The following DOT1L variants were observed in gnomAD, a reference collection of about 807,000 sequenced individuals.
The protein encoded by DOT1L is DOT1 like histone lysine methyltransferase.
DOT1L carries 33 observed loss-of-function variants against 153.3 expected under a neutral mutation model. The observed-to-expected ratio is 0.22, with a 90% confidence interval of 0.16 to 0.29. DOT1L has a LOEUF of 0.29. Ranked by LOEUF, DOT1L falls within the 10% of genes least tolerant of loss-of-function variation. DOT1L has a pLI of 1.00. For missense variants in DOT1L, 1,847 were observed against 2,119.9 expected, an observed-to-expected ratio of 0.87 and a Z score of 2.53; for synonymous variants, 1,135 against 965.1, an observed-to-expected ratio of 1.18 and a Z score of -3.26.
Position 2,222,809 on chromosome 19 carries a change from G to A in DOT1L, c.3390+250G>A. Reference sequence around the variant, plus strand: ...TGAGGCAGGAGAATGATGTGAACCCGGGAGGCGGGGCTTGCAGTGAACTGA... The same window carrying A: ...TGAGGCAGGAGAATGATGTGAACCCAGGAGGCGGGGCTTGCAGTGAACTGA... On this transcript the variant is annotated intron_variant, in intron 24 of 27. Transcript: ENST00000398665. The surrounding 1 kb of genome is among the most constrained non-coding windows in gnomAD (Gnocchi z 6.5). 6.0e-6 allele frequency: 3 copies of A among 497,060 alleles called. No individual in the cohort carries two copies. The highest frequency in any genetic ancestry group is 1.1e-5 in the Non-Finnish European group (3 of 283,096). 30.8% of individuals were successfully genotyped at this position (497,060 alleles called of 1,614,324 possible). A position where few individuals can be genotyped will look rare whatever the true frequency, so the allele number is the denominator to read the frequency against.
At position 2,223,278 on chromosome 19, in the gene DOT1L, C is replaced by A; in HGVS notation, c.3391-3C>A. 6.2e-7 allele frequency: 1 copy of A among 1,613,332 alleles called. No individual in the cohort carries two copies. The highest frequency in any genetic ancestry group is 8.5e-7 in the Non-Finnish European group (1 of 1,179,884). On this transcript the variant is annotated splice_polypyrimidine_tract_variant and splice_region_variant and intron_variant, in intron 24 of 27. Transcript: ENST00000398665. The stretch of plus-strand genomic sequence containing the variant: ...TGCATCCATTGTGTCTGTCTGCCCT[C>A]AGGTCAGTAACATCAACCAGCCCCT...
Position 2,226,342 on chromosome 19 carries a change from C to T in DOT1L, c.3821C>T (p.Thr1274Met), listed in dbSNP as rs549010160. Residue 1274 changes from threonine (T) to methionine (M), a missense_variant, in exon 27 of 28, where the codon ACG (threonine) becomes ATG (methionine). Thr to Met is a moderately conservative substitution (Grantham distance 81). This residue lies in a region of DOT1L where 934 missense variants were observed against 825.3 expected (regional missense o/e 1.13). Coordinates refer to ENST00000398665, the MANE Select transcript of DOT1L (RefSeq NM_032482.3). ...GCCCTCAGCCAGAACTCCCTGTTCACGTTCCGGCCCGCCCTGGAGGAGCCC... is the reference window on the plus strand; with the variant it reads ...GCCCTCAGCCAGAACTCCCTGTTCATGTTCCGGCCCGCCCTGGAGGAGCCC... ...SSALSQNSLF[T>M]FRPALEEPSA... is the part of the protein sequence containing the mutation. The T allele has an allele frequency of 8.8e-6, 14 of 1,592,572 alleles. No individual in the cohort carries two copies. The South Asian group carries it at 9.0e-5, about 10-fold the overall frequency.
rs1030738892 is a variant in DOT1L, at chr19:2,226,322, C to G, written c.3801C>G (p.Leu1267=). The part of the protein sequence containing the change: ...ADSPLQASSA[L]SQNSLFTFRP... ...GCCCGCTGCAGGCCAGCTCCGCCCTCAGCCAGAACTCCCTGTTCACGTTCC... is the reference window on the plus strand; with the variant it reads ...GCCCGCTGCAGGCCAGCTCCGCCCTGAGCCAGAACTCCCTGTTCACGTTCC... Residue 1267 remains leucine (L), a synonymous_variant, in exon 27 of 28, where the codon CTC becomes CTG. Coordinates refer to ENST00000398665, the MANE Select transcript of DOT1L (RefSeq NM_032482.3). 1 of 1,598,266 alleles carries G rather than the reference C, an allele frequency of 6.3e-7. No homozygotes were observed. The highest frequency in any genetic ancestry group is 1.7e-5 in the Admixed American group (1 of 58,606).
intron 3 of DOT1L, among the ~76,000 whole-genome samples, chr19:2,188,480 GCCC>G (rs375314788): frequency 1.3e-4 from 9 of 66,986 alleles, no homozygotes; most frequent in African/African-American, 4.3e-4. Context: ...CCCAGCCGCC[GCCC>G]CCCCCCCCCC....
intron 1 of DOT1L, among the ~76,000 whole-genome samples, chr19:2,175,496 C>G (rs1038986406): frequency 2.0e-4 from 30 of 152,050 alleles, no homozygotes; most frequent in Non-Finnish European, 5.9e-5. Context: ...CTTATTTAAC[C>G]AAGTATAACT....
rs1294021782 is a variant in DOT1L at position 2,217,766 on chromosome 19, C to T, written c.2545-6C>T. On this transcript the variant is annotated splice_polypyrimidine_tract_variant and splice_region_variant and intron_variant, in intron 21 of 27. Transcript: ENST00000398665. The surrounding 1 kb of genome is among the most constrained non-coding windows in gnomAD (Gnocchi z 7.3). Reference sequence around the variant, plus strand: ...CCACGACTGGGGGTCGGGCCTTCGTCTGCAGGGCCTGAGAGAGCGCGCCTA... The same window carrying T: ...CCACGACTGGGGGTCGGGCCTTCGTTTGCAGGGCCTGAGAGAGCGCGCCTA... 13 of 1,598,934 alleles carry T rather than the reference C, an allele frequency of 8.1e-6. No homozygotes were observed. The highest frequency in any genetic ancestry group is 1.0e-5 in the Non-Finnish European group (12 of 1,173,754).
chr19:2,227,318 G>A (rs761461270), intron 27 of DOT1L, 191 bp downstream of exon 27: 8 of 790,374 alleles, frequency 1.0e-5, no homozygotes, highest in South Asian at 5.8e-5. Context: ...CTGAGTCCGT[G>A]TGTCTTGGGT....
At chr19:2,202,883 G>GA in intron 9 of DOT1L, 104 bp downstream of exon 9, 1 of 1,129,376 alleles carries the variant, frequency 8.9e-7, no homozygotes, top group Non-Finnish European at 1.3e-6. Context: ...CAGACTTGGG[G>GA]TCTTCAGTCC....
In DOT1L at chr19:2,168,024, C is replaced by T. The variant is rs146343891; in HGVS notation, c.81+3759C>T. On this transcript the variant is annotated intron_variant, in intron 1 of 27. Transcript: ENST00000398665. Reference sequence around the variant, plus strand: ...TGCTGGGATGACAGGCGTGAACCACCGTGCCCAGACGCAGCTGCAGCAGCA... The same window carrying T: ...TGCTGGGATGACAGGCGTGAACCACTGTGCCCAGACGCAGCTGCAGCAGCA... 1.6e-3 allele frequency among the ~76,000 whole-genome samples: 240 copies of T among 152,310 alleles called. 1 individual carries two copies. Among genetic ancestry groups the T allele is most frequent in the African/African-American group, 5.2e-3 (217 of 41,566 alleles).
At chr19:2,194,415 C>G in intron 6 of DOT1L, 100 bp from the exon 7 acceptor site, 1 of 1,322,964 alleles carries the variant, frequency 7.6e-7, no homozygotes, top group South Asian at 1.2e-5. Context: ...TCATGATCCG[C>G]CCTCCTCAGC....
At chr19:2,176,241 C>T (rs767755189) in intron 1 of DOT1L, among the ~76,000 whole-genome samples, 22 of 152,082 alleles carry the variant, frequency 1.4e-4, no homozygotes, top group Non-Finnish European at 2.9e-4. Context: ...ACACAGCATC[C>T]CACACCACAA....
chr19:2,206,806 C>G lies in DOT1L; in HGVS notation c.856+9C>G, dbSNP rs764682973. 6.2e-7 allele frequency: 1 copy of G among 1,612,596 alleles called. No individual in the cohort carries two copies. Among genetic ancestry groups the G allele is most frequent in the Non-Finnish European group, 8.5e-7 (1 of 1,178,854 alleles). Reference sequence around the variant, plus strand: ...CAGTAGAAACTTGAGTGGTAAGAAACTCTCATGTTGTTAATGATGAACACG... The same window carrying G: ...CAGTAGAAACTTGAGTGGTAAGAAAGTCTCATGTTGTTAATGATGAACACG... On this transcript the variant is annotated intron_variant, in intron 10 of 27. Transcript: ENST00000398665.
At position 2,206,759 on chromosome 19, in the gene DOT1L, C is replaced by T; in HGVS notation, c.818C>T (p.Ala273Val). 6.2e-7 allele frequency: 1 copy of T among 1,613,992 alleles called. No homozygotes were observed. Among genetic ancestry groups the T allele is most frequent in the Non-Finnish European group, 8.5e-7 (1 of 1,179,888 alleles). ...GGRIVSSKPFAPLNFRINSRN... is the reference protein window; with the variant it reads ...GGRIVSSKPFVPLNFRINSRN... ...AGAATCGTGTCCTCGAAACCCTTTG[C>T]ACCTCTGAACTTCAGAATAAACAGT... Residue 273 changes from alanine (A) to valine (V), a missense_variant, in exon 10 of 28, where the codon GCA becomes GTA. Physicochemically the swap from Ala to Val is moderately conservative, Grantham distance 64 (BLOSUM62 0). Transcript: ENST00000398665.
rs776113815 is a variant in DOT1L at position 2,182,219 on chromosome 19, C to T, written c.125+1463C>T. ...TGCAGCCTGGGTGATAAGAGTGAGA[C>T]TCCATCTCAAAAATAAATAAATAAA... On this transcript the variant is annotated intron_variant, in intron 2 of 27. Transcript: ENST00000398665. 5.7e-4 allele frequency among the ~76,000 whole-genome samples: 86 copies of T among 151,972 alleles called. 1 individual carries two copies. Among genetic ancestry groups the T allele is most frequent in the Non-Finnish European group, 1.0e-3 (68 of 67,972 alleles).
At chr19:2,188,485 C>CG (rs1195134829) in intron 3 of DOT1L, among the ~76,000 whole-genome samples, 1 of 125,684 alleles carries the variant, frequency 8.0e-6, no homozygotes, top group Non-Finnish European at 1.8e-5. Flanking sequence ...CCGCCGCCCC[C>CG]CCCCCCCCCA....
intron 1 of DOT1L, among the ~76,000 whole-genome samples, chr19:2,168,864 T>G (rs1309178358): frequency 6.6e-6 from 1 of 152,202 alleles, no homozygotes; most frequent in Non-Finnish European, 1.5e-5. Context: ...TCTACCTGCC[T>G]GGGCCTCCCA....
chr19:2,230,638 G>T lies in DOT1L; in HGVS notation c.*846G>T. 2 of 398,562 alleles carry T rather than the reference G, an allele frequency of 5.0e-6. No homozygotes were observed. The highest frequency in any genetic ancestry group is 2.6e-4 in the South Asian group (2 of 7,780). The allele number at this position is 398,562 out of a possible 1,614,324, so 24.7% of individuals were successfully genotyped here. ...CTGTACAGGAGAGAGTCACACTAATGAGTGGCAGTATTTTATAGAGATGTG... is the reference window on the plus strand; with the variant it reads ...CTGTACAGGAGAGAGTCACACTAATTAGTGGCAGTATTTTATAGAGATGTG... On this transcript the variant is annotated 3_prime_UTR_variant, in exon 28 of 28. Transcript: ENST00000398665.
chr19:2,187,766 C>G (rs375097327), intron 3 of DOT1L, among the ~76,000 whole-genome samples: 1 of 151,964 alleles, frequency 6.6e-6, no homozygotes, highest in South Asian at 2.1e-4. Context: ...ACTAAAAATA[C>G]AAAAAATTAG....
At chr19:2,212,057 G>T in intron 16 of DOT1L, 1 of 548,436 alleles carries the variant, frequency 1.8e-6, no homozygotes, top group Non-Finnish European at 3.2e-6. Flanking sequence ...TTTAATCATG[G>T]TTTTGCAAGA....
Sources: allele counts gnomAD v4.1 joint callset (sites outside exome capture counted in the v4.1 genomes callset), GRCh38; gene constraint gnomAD v4.1.1; regional missense constraint gnomAD v4.1.1; non-coding constraint Gnocchi (gnomAD v3.1); transcripts MANE v1.5; gene names NCBI Gene and HGNC (gene_info 2026-07-23, HGNC 2026-07-21).